KCTD8: variants seen among roughly 807,000 people sequenced by gnomAD.
KCTD8 encodes the protein BTB/POZ domain-containing protein KCTD8.
Under a neutral mutation model 31.5 loss-of-function variants are expected in KCTD8, and 27 were observed. The ratio of observed to expected loss-of-function variants is 0.86; its 90% CI spans 0.63 to 1.18. KCTD8 has a LOEUF of 1.18. Among genes scored for constraint, KCTD8 ranks in the 50% most tolerant of loss-of-function variants. The pLI is 0.00. For missense variants in KCTD8, 658 were observed against 647.7 expected (o/e 1.02, Z -0.17); for synonymous variants, 290 against 280.0 (o/e 1.04, Z -0.36).
chr4:44,343,579 T>C (rs1403056771), intron 1 of KCTD8, among the ~76,000 whole-genome samples: 1 of 152,200 alleles, frequency 6.6e-6, no homozygotes, highest in Admixed American at 6.5e-5. Flanking sequence ...ACCAAAATCC[T>C]TCAATTTATT....
chr4:44,255,361 A>G (rs945295266), intron 1 of KCTD8, among the ~76,000 whole-genome samples: 1 of 151,728 alleles, frequency 6.6e-6, no homozygotes, highest in South Asian at 2.1e-4. Context: ...ATATAGTTAT[A>G]ATTTTTTCAT....
intron 1 of KCTD8, among the ~76,000 whole-genome samples, chr4:44,277,302 A>G (rs1404353767): frequency 6.6e-6 from 1 of 151,888 alleles, no homozygotes; most frequent in African/African-American, 2.4e-5. Context: ...GATAATTATA[A>G]TTTATATTAG....
At chr4:44,254,200 G>GTT (rs1012626639) in intron 1 of KCTD8, among the ~76,000 whole-genome samples, 3 of 151,874 alleles carry the variant, frequency 2.0e-5, no homozygotes, top group African/African-American at 7.2e-5. Context: ...AAAGTGAACT[G>GTT]TTTAGTTATT....
At chr4:44,322,425 C>T (rs994219393) in intron 1 of KCTD8, among the ~76,000 whole-genome samples, 14 of 152,084 alleles carry the variant, frequency 9.2e-5, no homozygotes, top group Admixed American at 2.6e-4. Context: ...AGGTCTTGCC[C>T]ATTCTTTAAT....
chr4:44,256,787 C>T (rs1037027226), intron 1 of KCTD8, among the ~76,000 whole-genome samples: 3 of 151,812 alleles, frequency 2.0e-5, no homozygotes, highest in Admixed American at 1.3e-4. Context: ...CCTCTGGAAG[C>T]TGGAAAAGGC....
chr4:44,259,052 T>C (rs1410031594), intron 1 of KCTD8, among the ~76,000 whole-genome samples: 1 of 151,944 alleles, frequency 6.6e-6, no homozygotes, highest in Non-Finnish European at 1.5e-5. Context: ...ATTTCCACAA[T>C]TAATTAACTG....
At chr4:44,180,997 C>G (rs929154789) in intron 1 of KCTD8, among the ~76,000 whole-genome samples, 2 of 152,158 alleles carry the variant, frequency 1.3e-5, no homozygotes, top group Non-Finnish European at 2.9e-5. Context: ...AGTTCACTGA[C>G]AGTAAGTATA....
At chr4:44,430,597 C>T (rs1478532517) in intron 1 of KCTD8, among the ~76,000 whole-genome samples, 3 of 151,526 alleles carry the variant, frequency 2.0e-5, no homozygotes, top group African/African-American at 7.3e-5. Flanking sequence ...CATCACCAAC[C>T]TTTTTGTCTC....
chr4:44,296,991 T>C (rs907296603), intron 1 of KCTD8, among the ~76,000 whole-genome samples: 16 of 152,220 alleles, frequency 1.1e-4, no homozygotes, highest in Admixed American at 1.0e-3. Flanking sequence ...ATTTCCAATA[T>C]TAACACTCTA....
At chr4:44,401,979 A>G (rs983564727) in intron 1 of KCTD8, among the ~76,000 whole-genome samples, 2 of 152,220 alleles carry the variant, frequency 1.3e-5, no homozygotes, top group African/African-American at 4.8e-5. Flanking sequence ...TTGATGAAGT[A>G]TAAGTTAATC....
At chr4:44,363,547 T>C (rs1347015479) in intron 1 of KCTD8, among the ~76,000 whole-genome samples, 1 of 152,096 alleles carries the variant, frequency 6.6e-6, no homozygotes, top group Admixed American at 6.6e-5. Flanking sequence ...TGTTAGAAAA[T>C]AGAATTTCTC....
intron 1 of KCTD8, among the ~76,000 whole-genome samples, chr4:44,277,898 T>C (rs999427407): frequency 6.6e-6 from 1 of 151,968 alleles, no homozygotes; most frequent in Non-Finnish European, 1.5e-5. Flanking sequence ...CATTCTTAAG[T>C]AAATTTTACT....
intron 1 of KCTD8, among the ~76,000 whole-genome samples, chr4:44,246,108 G>A (rs1297288469): frequency 6.6e-6 from 1 of 152,008 alleles, no homozygotes; most frequent in Non-Finnish European, 1.5e-5. Flanking sequence ...TCTGAACAAT[G>A]TATTTATTTC....
At chr4:44,390,998 T>TA (rs1720357619) in intron 1 of KCTD8, among the ~76,000 whole-genome samples, 3 of 151,784 alleles carry the variant, frequency 2.0e-5, no homozygotes, top group African/African-American at 7.3e-5. Flanking sequence ...GACTCAGCCA[T>TA]AAAAAGGGAT....
Position 44,175,054 on chromosome 4 carries a change from A to C in KCTD8, c.1158T>G (p.Thr386=). The C allele has an allele frequency of 6.2e-7, 1 of 1,613,978 alleles. No homozygotes were observed. The highest frequency in any genetic ancestry group is 8.5e-7 in the Non-Finnish European group (1 of 1,179,962). The change falls in exon 2 of 2, where the codon ACT becomes ACG. Residue 386 remains threonine, a synonymous_variant. Coordinates refer to ENST00000360029, the MANE Select transcript of KCTD8 (RefSeq NM_198353.3). Reference sequence around the variant, plus strand: ...TTTTAGAGGGGCGATCCAATGTTAAAGTGTTAGGTTGGTGAGCTGTTGCCT... The same window carrying C: ...TTTTAGAGGGGCGATCCAATGTTAACGTGTTAGGTTGGTGAGCTGTTGCCT... The part of the protein sequence containing the change: ...AQQATAHQPN[T]LTLDRPSKKA...
chr4:44,364,802 A>T (rs1054049981), intron 1 of KCTD8, among the ~76,000 whole-genome samples: 3 of 152,140 alleles, frequency 2.0e-5, no homozygotes, highest in African/African-American at 7.2e-5. Flanking sequence ...AGCCAGTATA[A>T]AAAGGCTACA....
intron 1 of KCTD8, among the ~76,000 whole-genome samples, chr4:44,399,368 C>T (rs540497343): frequency 2.2e-4 from 33 of 151,990 alleles, no homozygotes; most frequent in South Asian, 1.0e-3. Flanking sequence ...ATGGAAGTAA[C>T]GCTGAAAAAA....
At chr4:44,175,839 A>C (rs1713198527) in intron 1 of KCTD8, among the ~76,000 whole-genome samples, 1 of 152,210 alleles carries the variant, frequency 6.6e-6, no homozygotes, top group African/African-American at 2.4e-5. Context: ...TACTTCCTAG[A>C]GGAAAATTGT....
intron 1 of KCTD8, among the ~76,000 whole-genome samples, chr4:44,325,305 T>G (rs1243525285): frequency 3.9e-5 from 6 of 151,960 alleles, no homozygotes. Context: ...GGCGAAGGAA[T>G]ACTGTTCCTA....
Sources: allele counts gnomAD v4.1 joint callset (sites outside exome capture counted in the v4.1 genomes callset), GRCh38; gene constraint gnomAD v4.1.1; transcripts MANE v1.5; gene names NCBI Gene and HGNC (gene_info 2026-07-23, HGNC 2026-07-21).